Variants in SPAG17 observed in about 807,000 individuals in gnomAD.
SPAG17 encodes the protein sperm-associated antigen 17.
SPAG17 carries 169 observed loss-of-function variants against 273.6 expected under a neutral mutation model. The observed-to-expected ratio is 0.62, with a 90% CI of 0.55 to 0.70. The LOEUF (loss-of-function observed/expected upper bound fraction) is 0.70. Ranked by LOEUF, SPAG17 falls within the 30% of genes least tolerant of loss-of-function variation. SPAG17 has a pLI of 0.00. For synonymous variants in SPAG17, 825 were observed against 873.2 expected (o/e 0.94, Z 0.97); for missense variants, 2,557 against 2,627.8 (o/e 0.97, Z 0.59).
chr1:118,097,957 C>T (rs1431292664), intron 6 of SPAG17, 106 bp from the exon 7 acceptor site: 1 of 579,548 alleles, frequency 1.7e-6, no homozygotes, highest in African/African-American at 1.9e-5. Flanking sequence ...TGTACAGTAC[C>T]AGAAAATGTA....
chr1:118,092,162 T>C (rs762431144), intron 8 of SPAG17, among the ~76,000 whole-genome samples, 160 bp from the exon 9 acceptor site: 2 of 152,166 alleles, frequency 1.3e-5, no homozygotes, highest in Non-Finnish European at 2.9e-5. Context: ...GAAAAGAGTT[T>C]TGCTTGATGA....
intron 18 of SPAG17, among the ~76,000 whole-genome samples, chr1:118,062,794 A>G (rs528151455): frequency 1.3e-5 from 2 of 152,314 alleles, no homozygotes; most frequent in Admixed American, 1.3e-4. Context: ...ATTAGAGAAC[A>G]TTCCTTCCTG....
intron 3 of SPAG17, among the ~76,000 whole-genome samples, chr1:118,140,995 C>T (rs1381813434): frequency 1.3e-5 from 2 of 152,176 alleles, no homozygotes; most frequent in Non-Finnish European, 2.9e-5. Flanking sequence ...AATATTTTCC[C>T]TTGCTCTTTT....
intron 10 of SPAG17, among the ~76,000 whole-genome samples, chr1:118,089,878 C>T (rs1180800350): frequency 6.6e-6 from 1 of 152,122 alleles, no homozygotes; most frequent in Non-Finnish European, 1.5e-5. Flanking sequence ...TGGTTTCCCC[C>T]ATGCTGTTCT....
chr1:118,092,626 A>G (rs1336869687), intron 8 of SPAG17, among the ~76,000 whole-genome samples: 3 of 152,062 alleles, frequency 2.0e-5, no homozygotes, highest in African/African-American at 4.8e-5. Context: ...CTTTCCCCAC[A>G]TCGCTAATCC....
intron 17 of SPAG17, among the ~76,000 whole-genome samples, chr1:118,072,477 G>A (rs1465928758): frequency 6.6e-6 from 1 of 152,202 alleles, no homozygotes; most frequent in Non-Finnish European, 1.5e-5. Flanking sequence ...GAATATGGGA[G>A]AGATATCACT....
chr1:118,036,027 T>C (rs1252450798), intron 24 of SPAG17, among the ~76,000 whole-genome samples: 2 of 152,060 alleles, frequency 1.3e-5, no homozygotes, highest in African/African-American at 4.8e-5. Context: ...ACTTCATCTC[T>C]ACCAAAAATA....
At chr1:117,967,996 C>T (rs1002300667) in intron 46 of SPAG17, among the ~76,000 whole-genome samples, 1 of 152,202 alleles carries the variant, frequency 6.6e-6, no homozygotes, top group Non-Finnish European at 1.5e-5. Flanking sequence ...CATATGCATA[C>T]TGGAGGATAT....
chr1:118,158,378 C>G (rs1659756111), intron 1 of SPAG17, among the ~76,000 whole-genome samples: 1 of 152,104 alleles, frequency 6.6e-6, no homozygotes. Flanking sequence ...TCTGAGGTGG[C>G]CATACAGAGG....
intron 20 of SPAG17, among the ~76,000 whole-genome samples, chr1:118,049,026 C>A (rs1048468323): frequency 7.9e-5 from 12 of 152,066 alleles, no homozygotes; most frequent in Non-Finnish European, 1.3e-4. Flanking sequence ...AAGACTGAGT[C>A]ATGAAGAAAT....
At chr1:118,123,070 A>G (rs976340801) in intron 3 of SPAG17, among the ~76,000 whole-genome samples, 1 of 152,334 alleles carries the variant, frequency 6.6e-6, no homozygotes, top group South Asian at 2.1e-4. Flanking sequence ...TGCAGTGTAT[A>G]ATGGGGAGGA....
intron 30 of SPAG17, among the ~76,000 whole-genome samples, chr1:118,011,982 ATATC>A (rs1169573681): frequency 6.6e-6 from 1 of 151,886 alleles, no homozygotes; most frequent in Non-Finnish European, 1.5e-5. Context: ...TATATACACA[ATATC>A]TGTCAATTAA....
At chr1:117,968,078 A>G (rs1654073812) in intron 46 of SPAG17, among the ~76,000 whole-genome samples, 1 of 152,200 alleles carries the variant, frequency 6.6e-6, no homozygotes, top group Non-Finnish European at 1.5e-5. Context: ...TTCAGCATGA[A>G]GAGAGCTGGA....
At chr1:118,127,948 C>T (rs1260398190) in intron 3 of SPAG17, among the ~76,000 whole-genome samples, 1 of 151,930 alleles carries the variant, frequency 6.6e-6, no homozygotes, top group East Asian at 1.9e-4. Flanking sequence ...ATGGTGAAAC[C>T]CTGTCTCTAC....
chr1:118,148,131 C>T lies in SPAG17; in HGVS notation c.315+2412G>A, dbSNP rs186221039. On this transcript the variant is annotated intron_variant, in intron 3 of 48. Coordinates refer to ENST00000336338, the MANE Select transcript of SPAG17 (RefSeq NM_206996.4). ...TTTGTTAGATTATCTTTTATCTCTT[C>T]TCCCACAGTGCAGAGTTTCCTTTGA... Among the ~76,000 whole-genome samples, 123 of 152,296 alleles carry T rather than the reference C, an allele frequency of 8.1e-4. 2 individuals are homozygous for T. In the East Asian group the frequency reaches 0.019, roughly 23 times the overall value.
At chr1:118,149,952 A>G (rs1048219244) in intron 3 of SPAG17, among the ~76,000 whole-genome samples, 1 of 152,288 alleles carries the variant, frequency 6.6e-6, no homozygotes. Flanking sequence ...CCTTTGCACA[A>G]GCCCACTGGG....
chr1:118,028,712 T>A (rs2101869241), intron 25 of SPAG17, among the ~76,000 whole-genome samples: 1 of 152,282 alleles, frequency 6.6e-6, no homozygotes, highest in African/African-American at 2.4e-5. Flanking sequence ...GAAAGATGCC[T>A]CTGTTTGGAT....
At chr1:118,154,420 G>C (rs928689190) in intron 1 of SPAG17, among the ~76,000 whole-genome samples, 2 of 152,134 alleles carry the variant, frequency 1.3e-5, no homozygotes, top group Admixed American at 6.5e-5. Context: ...GCTGCAGCAG[G>C]GGGGCAGTAA....
intron 15 of SPAG17, among the ~76,000 whole-genome samples, chr1:118,079,525 A>G (rs1654365920): frequency 6.6e-6 from 1 of 151,984 alleles, no homozygotes; most frequent in Admixed American, 6.6e-5. Context: ...CTATTCAAAG[A>G]ACCAAGTTTT....
Sources: gnomAD v4.1 joint callset for allele counts (sites outside exome capture counted in the v4.1 genomes callset) on GRCh38, gnomAD v4.1.1 for gene constraint, MANE v1.5 for transcripts, NCBI Gene and HGNC (gene_info 2026-07-23, HGNC 2026-07-21) for gene names.